Variants in ADAM18 observed in about 807,000 individuals in gnomAD.
The protein encoded by ADAM18 is disintegrin and metalloproteinase domain-containing protein 18.
Under a neutral mutation model 94.4 loss-of-function variants are expected in ADAM18, and 117 were observed. The observed-to-expected ratio is 1.24, with a 90% CI of 1.07 to 1.45. The LOEUF (loss-of-function observed/expected upper bound fraction) is 1.45. Among genes scored for constraint, ADAM18 ranks in the 40% most tolerant of loss-of-function variants. The pLI is 0.00. For missense variants in ADAM18, 936 were observed against 880.0 expected (o/e 1.06, Z -0.81); for synonymous variants, 327 against 291.6 (o/e 1.12, Z -1.24).
chr8:39,594,824 G>C (rs1036343791), intron 2 of ADAM18, among the ~76,000 whole-genome samples: 1 of 47,980 alleles, frequency 2.1e-5, no homozygotes, highest in Non-Finnish European at 4.2e-5. Flanking sequence ...TTTGGTAATT[G>C]TTTCCTTTGT....
At chr8:39,692,973 C>T (rs1200661276) in intron 17 of ADAM18, among the ~76,000 whole-genome samples, 2 of 151,596 alleles carry the variant, frequency 1.3e-5, no homozygotes, top group East Asian at 3.8e-4. Flanking sequence ...TTCTCCCACA[C>T]ACATTTAATA....
At position 39,730,051 on chromosome 8, in the gene ADAM18, C is replaced by A; in HGVS notation, c.*111C>A. Reference sequence around the variant, plus strand: ...ATGTCAAACTTTTGGAAAATAAAGCCTGCGTGCCCTCCCATGTGCCTCCTC... The same window carrying A: ...ATGTCAAACTTTTGGAAAATAAAGCATGCGTGCCCTCCCATGTGCCTCCTC... On this transcript the variant is annotated 3_prime_UTR_variant, in exon 20 of 20. Transcript: ENST00000265707. 9.3e-7 allele frequency: 1 copy of A among 1,074,282 alleles called. No individual in the cohort carries two copies. The highest frequency in any genetic ancestry group is 1.4e-5 in the South Asian group (1 of 73,784). The allele number at this position is 1,074,282 out of a possible 1,614,324, so 66.5% of individuals were successfully genotyped here. A position where few individuals can be genotyped will look rare whatever the true frequency, so the allele number is the denominator to read the frequency against.
intron 15 of ADAM18, among the ~76,000 whole-genome samples, chr8:39,677,931 T>C (rs183480875): frequency 1.3e-4 from 20 of 152,318 alleles, no homozygotes; most frequent in Admixed American, 4.6e-4. Flanking sequence ...TTTTTGCTAA[T>C]TGTGTCCAAA....
intron 7 of ADAM18, among the ~76,000 whole-genome samples, chr8:39,635,955 C>T (rs1242628219): frequency 6.6e-6 from 1 of 151,048 alleles, no homozygotes; most frequent in Non-Finnish European, 1.5e-5. Flanking sequence ...TGTACAAATG[C>T]CTTTACTTAT....
chr8:39,594,481 G>T (rs115277851), intron 2 of ADAM18, among the ~76,000 whole-genome samples: 1,732 of 151,980 alleles, frequency 0.011, 39 homozygotes, highest in African/African-American at 0.04. Context: ...AATTTATTTA[G>T]TCGTTTTCTT....
Position 39,698,845 on chromosome 8 carries a change from T to G in ADAM18, c.1902+6165T>G, listed in dbSNP as rs150527265. Among the ~76,000 whole-genome samples the G allele has an allele frequency of 6.6e-3, 1,001 of 152,158 alleles. 13 individuals carry two copies. The highest frequency in any genetic ancestry group is 0.023 in the African/African-American group (947 of 41,554). ...AATCTCTTACACCATATTTCAATGGTGTAAGTATCTAAATCTTTCACCTAA... is the reference window on the plus strand; with the variant it reads ...AATCTCTTACACCATATTTCAATGGGGTAAGTATCTAAATCTTTCACCTAA... On this transcript the variant is annotated intron_variant, in intron 17 of 19. Coordinates refer to ENST00000265707, the MANE Select transcript of ADAM18 (RefSeq NM_014237.3).
At chr8:39,666,579 T>C (rs895867788) in intron 13 of ADAM18, among the ~76,000 whole-genome samples, 2 of 152,202 alleles carry the variant, frequency 1.3e-5, no homozygotes, top group African/African-American at 4.8e-5. Flanking sequence ...AGAAGTTTAA[T>C]GGACTCGCAG....
chr8:39,711,811 G>A (rs1822410946), intron 18 of ADAM18, among the ~76,000 whole-genome samples: 1 of 151,680 alleles, frequency 6.6e-6, no homozygotes, highest in Non-Finnish European at 1.5e-5. Context: ...AGTACCATAT[G>A]GAGAGAATAA....
At chr8:39,599,220 T>C (rs368680301) in intron 2 of ADAM18, among the ~76,000 whole-genome samples, 5 of 152,202 alleles carry the variant, frequency 3.3e-5, no homozygotes, top group Admixed American at 3.3e-4. Context: ...TGCGTTACCT[T>C]TGCACATCTA....
chr8:39,601,283 T>C lies in ADAM18; in HGVS notation c.133-5024T>C, dbSNP rs921182865. On this transcript the variant is annotated intron_variant, in intron 2 of 19. Coordinates refer to ENST00000265707, the MANE Select transcript of ADAM18 (RefSeq NM_014237.3). ...CATATCACTGCTGCACTGTCTTCTG[T>C]CTTCCAGCCCAATGTGGCAGGGGCC... 3.9e-5 allele frequency among the ~76,000 whole-genome samples: 6 copies of C among 152,198 alleles called. No homozygotes were observed. The South Asian group carries it at 6.2e-4, about 16-fold the overall frequency.
chr8:39,693,778 A>G (rs1821846255), intron 17 of ADAM18, among the ~76,000 whole-genome samples: 1 of 151,212 alleles, frequency 6.6e-6, no homozygotes, highest in Non-Finnish European at 1.5e-5. Context: ...ATATTTCTAC[A>G]TATGTTATAT....
At chr8:39,630,095 ACC>A (rs1819891084) in intron 7 of ADAM18, among the ~76,000 whole-genome samples, 1 of 151,682 alleles carries the variant, frequency 6.6e-6, no homozygotes, top group Admixed American at 6.6e-5. Context: ...TCATTTTAAA[ACC>A]TTTATTGCTA....
At chr8:39,612,821 C>G (rs1819317441) in intron 6 of ADAM18, among the ~76,000 whole-genome samples, 1 of 152,072 alleles carries the variant, frequency 6.6e-6, no homozygotes, top group Non-Finnish European at 1.5e-5. Flanking sequence ...GCAGACCCTG[C>G]CTAACCATTG....
intron 16 of ADAM18, among the ~76,000 whole-genome samples, chr8:39,687,270 G>A (rs1036948291): frequency 6.6e-6 from 1 of 151,990 alleles, no homozygotes; most frequent in Middle Eastern, 3.2e-3. Context: ...GGCCATGCAT[G>A]GCACTTTATT....
intron 17 of ADAM18, among the ~76,000 whole-genome samples, chr8:39,701,117 C>CAAAAAAAAAAAAAAAAAAAAAAAAAAA (rs71237188): frequency 2.0e-4 from 7 of 34,552 alleles, no homozygotes; most frequent in African/African-American, 4.1e-4. Flanking sequence ...GACTCTGTCT[C>CAAAAAAAAAAAAAAAAAAAAAAAAAAA]AAAAAAAAAA....
intron 16 of ADAM18, among the ~76,000 whole-genome samples, chr8:39,686,644 C>A (rs10108721): frequency 0.026 from 3,974 of 152,184 alleles, 191 homozygotes; most frequent in African/African-American, 0.088. Flanking sequence ...TTTTTCATTT[C>A]TAAAATGACT....
chr8:39,670,108 G>A (rs1821113205), intron 14 of ADAM18, among the ~76,000 whole-genome samples: 1 of 152,114 alleles, frequency 6.6e-6, no homozygotes, highest in Non-Finnish European at 1.5e-5. Flanking sequence ...CTGCATAAAT[G>A]TCTTCTTTTG....
chr8:39,714,133 C>G (rs1324080550), intron 18 of ADAM18, among the ~76,000 whole-genome samples: 1 of 152,110 alleles, frequency 6.6e-6, no homozygotes, highest in East Asian at 1.9e-4. Context: ...AGTTCATGTC[C>G]TTTGCCGGGA....
intron 3 of ADAM18, among the ~76,000 whole-genome samples, chr8:39,608,655 G>C (rs1402609369): frequency 6.6e-6 from 1 of 151,942 alleles, no homozygotes; most frequent in South Asian, 2.1e-4. Context: ...CTTATCTATT[G>C]TCATCTAATT....
Sources: allele counts gnomAD v4.1 joint callset (sites outside exome capture counted in the v4.1 genomes callset), GRCh38; gene constraint gnomAD v4.1.1; transcripts MANE v1.5; gene names NCBI Gene and HGNC (gene_info 2026-07-23, HGNC 2026-07-21).